KALRN: variants seen among roughly 807,000 people sequenced by gnomAD.
The protein encoded by KALRN is kalirin RhoGEF kinase.
In KALRN, 70 loss-of-function variants were observed where a neutral mutation model predicts 353.7. The ratio of observed to expected loss-of-function variants is 0.20; its 90% CI spans 0.16 to 0.24. KALRN has a LOEUF of 0.24. Among genes scored for constraint, KALRN ranks in the 10% least tolerant of loss-of-function variants. The pLI, the probability that KALRN is intolerant of heterozygous loss-of-function variation, is 1.00. For synonymous variants in KALRN, 1,391 were observed against 1,434.8 expected, an observed-to-expected ratio of 0.97 and a Z score of 0.69; for missense variants, 2,791 against 3,756.7, an observed-to-expected ratio of 0.74 and a Z score of 6.72.
chr3:124,118,330 G>A (rs1239177409), intron 1 of KALRN, among the ~76,000 whole-genome samples: 1 of 152,164 alleles, frequency 6.6e-6, no homozygotes, highest in Non-Finnish European at 1.5e-5. Context: ...ATGGGGGTGT[G>A]TGGCTTAGAC....
chr3:124,253,595 A>G (rs1025574103), intron 3 of KALRN, among the ~76,000 whole-genome samples: 2 of 152,192 alleles, frequency 1.3e-5, no homozygotes, highest in African/African-American at 4.8e-5. Context: ...TTAAATGAGG[A>G]ACTCTTAGCT....
At chr3:124,135,571 G>T (rs1170664462) in intron 1 of KALRN, among the ~76,000 whole-genome samples, 1 of 152,190 alleles carries the variant, frequency 6.6e-6, no homozygotes, top group Non-Finnish European at 1.5e-5. Context: ...GTGTGGGGGT[G>T]TTAGAGGTCT....
intron 1 of KALRN, among the ~76,000 whole-genome samples, chr3:124,179,117 A>AC (rs1336745819): frequency 2.6e-5 from 4 of 152,202 alleles, no homozygotes; most frequent in Non-Finnish European, 5.9e-5. Context: ...CTCTAAAAAA[A>AC]AAAATTAATA....
chr3:124,269,072 C>T lies in KALRN; in HGVS notation c.786C>T (p.Asp262=), dbSNP rs141564219. 1.3e-3 allele frequency: 2,137 copies of T among 1,612,408 alleles called. 2 individuals are homozygous for T. The highest frequency in any genetic ancestry group is 1.5e-3 in the Non-Finnish European group (1,787 of 1,179,488). ...TGCTGCAGTGCATCCGCTGCAGCGA[C>T]GGCTTCTCAGGACGCAACTGCATCC... is the stretch of plus-strand genomic sequence containing the variant. ...QRLLQCIRCS[D]GFSGRNCIPG... The change falls in exon 5 of 60, where the codon GAC becomes GAT. Residue 262 remains aspartate (D), a synonymous_variant. Transcript: ENST00000682506.
intron 6 of KALRN, among the ~76,000 whole-genome samples, chr3:124,314,847 G>A (rs1156568219): frequency 2.0e-5 from 3 of 152,268 alleles, no homozygotes; most frequent in South Asian, 4.1e-4. Flanking sequence ...TAGATACAGG[G>A]TCTCACTATG....
At chr3:124,516,238 C>T (rs1224952257) in intron 33 of KALRN, among the ~76,000 whole-genome samples, 6 of 152,296 alleles carry the variant, frequency 3.9e-5, no homozygotes, top group South Asian at 2.1e-4. Flanking sequence ...GATGGATTCT[C>T]CTTTAGAAGA....
chr3:124,547,468 A>G (rs1399445707), intron 33 of KALRN, among the ~76,000 whole-genome samples: 2 of 150,360 alleles, frequency 1.3e-5, no homozygotes, highest in South Asian at 2.1e-4. Context: ...TCATACCACC[A>G]TGCCAACTAA....
intron 25 of KALRN, among the ~76,000 whole-genome samples, chr3:124,468,549 C>G (rs2060574110): frequency 6.6e-6 from 1 of 152,192 alleles, no homozygotes; most frequent in South Asian, 2.1e-4. Flanking sequence ...CTTCTTCCCC[C>G]ACTCCAAATG....
chr3:124,711,660 G>T (rs1010052902), intron 57 of KALRN, among the ~76,000 whole-genome samples: 1 of 152,082 alleles, frequency 6.6e-6, no homozygotes, highest in Non-Finnish European at 1.5e-5. Context: ...TTCAGGGGTG[G>T]GTAATTTTGT....
intron 14 of KALRN, among the ~76,000 whole-genome samples, chr3:124,415,705 T>G (rs185432029): frequency 4.3e-4 from 66 of 152,224 alleles, no homozygotes; most frequent in Non-Finnish European, 7.2e-4. Context: ...GTGAGCAGAG[T>G]GTGGCCCAGC....
intron 37 of KALRN, among the ~76,000 whole-genome samples, chr3:124,646,547 C>T (rs1419081953): frequency 6.6e-6 from 1 of 151,756 alleles, no homozygotes; most frequent in Non-Finnish European, 1.5e-5. Flanking sequence ...TGTGCCACCA[C>T]ATCTGACTAG....
At chr3:124,350,100 C>T (rs1320030136) in intron 10 of KALRN, among the ~76,000 whole-genome samples, 3 of 152,206 alleles carry the variant, frequency 2.0e-5, no homozygotes, top group East Asian at 3.9e-4. Flanking sequence ...CTGATATAGC[C>T]TCAGAGGCAA....
intron 1 of KALRN, among the ~76,000 whole-genome samples, chr3:124,100,768 A>C (rs1226057910): frequency 6.6e-6 from 1 of 152,210 alleles, no homozygotes; most frequent in Non-Finnish European, 1.5e-5. Flanking sequence ...TGCTAGAATC[A>C]TCTGGGAACT....
At chr3:124,363,075 C>G (rs1047790550) in intron 10 of KALRN, among the ~76,000 whole-genome samples, 2 of 152,188 alleles carry the variant, frequency 1.3e-5, no homozygotes, top group South Asian at 4.1e-4. Context: ...TATCACATTA[C>G]TCTAAAAATA....
intron 1 of KALRN, among the ~76,000 whole-genome samples, chr3:124,216,526 C>T (rs1560256844): frequency 6.6e-6 from 1 of 152,190 alleles, no homozygotes; most frequent in Non-Finnish European, 1.5e-5. Context: ...GGCTTTCCCC[C>T]ATCACATACA....
chr3:124,039,987 T>C (rs1158432818), intron 1 of KALRN, among the ~76,000 whole-genome samples: 3 of 152,216 alleles, frequency 2.0e-5, no homozygotes, highest in South Asian at 2.1e-4. Flanking sequence ...GCTATATTTT[T>C]ATAGGCTATT....
chr3:124,712,984 G>GCT lies in KALRN; in HGVS notation c.8125_8126insCT (p.Asp2709AlafsTer5). ...ATGCATTCACAAAGCTACCCGCAAAGATGTGGCTGTGAAATTTGTTAGCAA... is the reference window on the plus strand; with the variant it reads ...ATGCATTCACAAAGCTACCCGCAAAGCTATGTGGCTGTGAAATTTGTTAGCAA... On this transcript the variant is annotated frameshift_variant, in exon 58 of 60. Transcript: ENST00000682506. LOFTEE classifies it high-confidence loss of function. 1.2e-6 allele frequency: 2 copies of GCT among 1,614,072 alleles called. No homozygotes were observed. Among genetic ancestry groups the GCT allele is most frequent in the Non-Finnish European group, 1.7e-6 (2 of 1,179,992 alleles).
intron 47 of KALRN, among the ~76,000 whole-genome samples, chr3:124,670,468 A>G (rs1434550336): frequency 6.6e-6 from 1 of 152,180 alleles, no homozygotes; most frequent in Non-Finnish European, 1.5e-5. Context: ...TACAAGAGAC[A>G]AGGATGTGAT....
intron 6 of KALRN, among the ~76,000 whole-genome samples, chr3:124,312,361 A>G (rs1026306932): frequency 9.2e-5 from 14 of 152,112 alleles, no homozygotes; most frequent in African/African-American, 3.4e-4. Context: ...GGGTTTCGCC[A>G]TGTTGGCCAG....
Sources: allele counts gnomAD v4.1 joint callset (sites outside exome capture counted in the v4.1 genomes callset), GRCh38; gene constraint gnomAD v4.1.1; transcripts MANE v1.5; gene names NCBI Gene and HGNC (gene_info 2026-07-23, HGNC 2026-07-21).